Variants in GRAMD2B observed in about 807,000 individuals in gnomAD.
GRAMD2B encodes the protein GRAM domain containing 2B, also known as GRAM domain-containing protein 2B.
A neutral mutation model predicts 59.2 loss-of-function variants in GRAMD2B; 41 were observed. That is an observed-to-expected ratio of 0.69 (90% CI 0.54 to 0.90). GRAMD2B has a LOEUF of 0.90. GRAMD2B is among the 40% of genes least tolerant of loss of function. The pLI is 0.00. For missense variants in GRAMD2B, 424 were observed against 500.5 expected, an observed-to-expected ratio of 0.85 and a Z score of 1.46; for synonymous variants, 161 against 182.7, an observed-to-expected ratio of 0.88 and a Z score of 0.96.
chr5:126,485,820 C>T (rs754792256), intron 11 of GRAMD2B, 47 bp downstream of exon 11: 13 of 1,149,404 alleles, frequency 1.1e-5, no homozygotes, highest in East Asian at 7.2e-5. Flanking sequence ...TGATTCCATT[C>T]GCTAAAGGAA....
chr5:126,472,922 GA>G (rs1769901775), intron 4 of GRAMD2B, among the ~76,000 whole-genome samples: 2 of 152,282 alleles, frequency 1.3e-5, no homozygotes, highest in South Asian at 4.1e-4. Flanking sequence ...AGTCATTCCT[GA>G]AAATACTGGG....
At chr5:126,470,606 T>C (rs1445259287) in intron 3 of GRAMD2B, among the ~76,000 whole-genome samples, 1 of 152,114 alleles carries the variant, frequency 6.6e-6, no homozygotes, top group African/African-American at 2.4e-5. Context: ...TTGCCCAGGC[T>C]GGAGTGCAGT....
Position 126,477,790 on chromosome 5 carries a change from G to A in GRAMD2B, c.582+3G>A, listed in dbSNP as rs771369009. On this transcript the variant is annotated splice_donor_region_variant and intron_variant, in intron 6 of 13. Coordinates refer to ENST00000285689, the MANE Select transcript of GRAMD2B (RefSeq NM_023927.4). ...TCATAGCAACAGTCACAGACAGGGT[G>A]AGTATGCAGCCGAGCGAGGGCATCT... 1 of 1,584,156 alleles carries A rather than the reference G, an allele frequency of 6.3e-7. No individual in the cohort carries two copies. Among genetic ancestry groups the A allele is most frequent in the East Asian group, 2.2e-5 (1 of 44,686 alleles).
intron 2 of GRAMD2B, among the ~76,000 whole-genome samples, chr5:126,468,548 T>G (rs1370756066): frequency 6.6e-6 from 1 of 152,126 alleles, no homozygotes; most frequent in Non-Finnish European, 1.5e-5. Context: ...AGTGCAATGG[T>G]GCAATATCAG....
intron 1 of GRAMD2B, among the ~76,000 whole-genome samples, chr5:126,442,273 CTTTTTCTTTTCTTT>C: frequency 6.7e-6 from 1 of 149,938 alleles, no homozygotes; most frequent in South Asian, 2.1e-4. Flanking sequence ...CCCTAAAATG[CTTTTTCTTTTCTTT>C]TTTTTCTTTT....
chr5:126,395,375 GT>G (rs1259358193), intron 1 of GRAMD2B, among the ~76,000 whole-genome samples: 1 of 152,178 alleles, frequency 6.6e-6, no homozygotes, highest in Non-Finnish European at 1.5e-5. Flanking sequence ...TGAGCCTGAA[GT>G]CCCCGGCTGG....
upstream of GRAMD2B, among the ~76,000 whole-genome samples, chr5:126,420,434 G>T (rs948244322): frequency 6.6e-6 from 1 of 152,158 alleles, no homozygotes; most frequent in South Asian, 2.1e-4. Flanking sequence ...TAGCTTACTT[G>T]CTCCTTTCTA....
At chr5:126,405,602 T>C (rs1160418751) in intron 1 of GRAMD2B, among the ~76,000 whole-genome samples, 1 of 151,934 alleles carries the variant, frequency 6.6e-6, no homozygotes, top group Non-Finnish European at 1.5e-5. Flanking sequence ...CTAAGTCTAG[T>C]GAACCAGATC....
intron 1 of GRAMD2B, among the ~76,000 whole-genome samples, chr5:126,439,105 C>G (rs998904654): frequency 6.6e-6 from 1 of 152,110 alleles, no homozygotes; most frequent in African/African-American, 2.4e-5. Context: ...GCCATTATTA[C>G]TGGATGCCAT....
chr5:126,398,743 A>C (rs111946401), intron 1 of GRAMD2B, among the ~76,000 whole-genome samples: 1,531 of 152,204 alleles, frequency 0.01, 41 homozygotes, highest in African/African-American at 0.036. Flanking sequence ...CATCACTATA[A>C]ACTTTCCTTT....
chr5:126,414,248 C>T (rs766471797), intron 1 of GRAMD2B, among the ~76,000 whole-genome samples: 3 of 152,102 alleles, frequency 2.0e-5, no homozygotes, highest in Admixed American at 6.6e-5. Context: ...CTGGGGGCTT[C>T]GGTTTCTATA....
chr5:126,400,575 C>G lies in GRAMD2B; in HGVS notation c.125+29008C>G, dbSNP rs542036606. Reference sequence around the variant, plus strand: ...TGAGTTACACATTTTCATATGTTTTCATGTTACTAATTAGCATCTTTCATT... The same window carrying G: ...TGAGTTACACATTTTCATATGTTTTGATGTTACTAATTAGCATCTTTCATT... On this transcript the variant is annotated intron_variant, in intron 1 of 8. Coordinates refer to the GRAMD2B transcript ENST00000506445. 7.2e-5 allele frequency among the ~76,000 whole-genome samples: 11 copies of G among 152,214 alleles called. No individual in the cohort carries two copies. The South Asian group carries it at 2.3e-3, about 32-fold the overall frequency.
rs76876638 is a variant in GRAMD2B, at chr5:126,423,553, C to A, written c.-54C>A. On this transcript the variant is annotated 5_prime_UTR_variant, in exon 1 of 14. Transcript: ENST00000285689. ...CCCGGACCTAGAAGCCGGGACGAGC[C>A]GGGGCAGAGCCAGGCGCGCGGAAGT... is the stretch of plus-strand genomic sequence containing the variant. 2,438 of 1,584,606 alleles carry A rather than the reference C, an allele frequency of 1.5e-3. 38 individuals carry two copies. In the African/African-American group the frequency reaches 0.029, roughly 19 times the overall value.
Position 126,396,810 on chromosome 5 carries a change from C to CT in GRAMD2B, c.125+25248dup, listed in dbSNP as rs376036609. Among the ~76,000 whole-genome samples the CT allele has an allele frequency of 1.2e-3, 177 of 152,280 alleles. 1 individual carries two copies. The highest frequency in any genetic ancestry group is 4.0e-3 in the African/African-American group (168 of 41,568). ...TACCACCAACAGTGTCTAAGCAGTC[C>CT]TTTTTCTCAGCAAACTCACCAGCAT... On this transcript the variant is annotated intron_variant, in intron 1 of 8. Transcript: ENST00000506445.
intron 1 of GRAMD2B, among the ~76,000 whole-genome samples, chr5:126,399,930 CTA>C (rs1487022365): frequency 1.3e-5 from 2 of 152,094 alleles, no homozygotes; most frequent in African/African-American, 4.8e-5. Flanking sequence ...TTCAGCCACT[CTA>C]TGTCTTTTTA....
rs181805363 is a variant in GRAMD2B at position 126,412,182 on chromosome 5, G to C, written c.125+40615G>C. ...GTAGTGACACTGAGAATCCTTGTTT[G>C]TTCCACTTCTCAGGGAAAATGCTTT... On this transcript the variant is annotated intron_variant, in intron 1 of 8. Coordinates refer to the GRAMD2B transcript ENST00000506445. 5.9e-4 allele frequency among the ~76,000 whole-genome samples: 90 copies of C among 152,074 alleles called. 1 individual carries two copies. Among genetic ancestry groups the C allele is most frequent in the Non-Finnish European group, 1.0e-3 (71 of 67,918 alleles).
intron 1 of GRAMD2B, chr5:126,465,032 C>G: frequency 9.9e-7 from 1 of 1,011,816 alleles, no homozygotes; most frequent in Non-Finnish European, 1.2e-6. Context: ...GTGGGGGTTC[C>G]CAGCAGGAAG....
Position 126,488,685 on chromosome 5 carries a change from T to G in GRAMD2B, c.1164-114T>G, listed in dbSNP as rs1035769705. Reference sequence around the variant, plus strand: ...TTGTCTAATATTAACAAATGAAATGTTCATTCTCTTCTATTATAAACCAAT... The same window carrying G: ...TTGTCTAATATTAACAAATGAAATGGTCATTCTCTTCTATTATAAACCAAT... On this transcript the variant is annotated intron_variant, in intron 12 of 13. Coordinates refer to ENST00000285689, the MANE Select transcript of GRAMD2B (RefSeq NM_023927.4). The G allele has an allele frequency of 1.8e-5, 12 of 665,716 alleles. No individual in the cohort carries two copies. In the Admixed American group the frequency reaches 3.0e-4, roughly 17 times the overall value. 41.2% of individuals were successfully genotyped at this position (665,716 alleles called of 1,614,324 possible). A position where few individuals can be genotyped will look rare whatever the true frequency, so the allele number is the denominator to read the frequency against.
In GRAMD2B at chr5:126,384,250, C is replaced by T. The variant is rs73332446; in HGVS notation, c.125+12683C>T. ...TCTCTGTTGGTGACTGACACAGATCCGGGATACTATAGAAGGCAGACAATG... is the reference window on the plus strand; with the variant it reads ...TCTCTGTTGGTGACTGACACAGATCTGGGATACTATAGAAGGCAGACAATG... On this transcript the variant is annotated intron_variant, in intron 1 of 8. Transcript: ENST00000506445. 4.3e-3 allele frequency among the ~76,000 whole-genome samples: 655 copies of T among 152,166 alleles called. 3 individuals are homozygous for T. Among genetic ancestry groups the T allele is most frequent in the African/African-American group, 0.015 (602 of 41,512 alleles).
Sources: gnomAD v4.1 joint callset for allele counts (sites outside exome capture counted in the v4.1 genomes callset) on GRCh38, gnomAD v4.1.1 for gene constraint, MANE v1.5 for transcripts, NCBI Gene and HGNC (gene_info 2026-07-23, HGNC 2026-07-21) for gene names.